The following ROBO2 variants were observed in gnomAD, a reference collection of about 807,000 sequenced individuals.
The protein encoded by ROBO2 is roundabout guidance receptor 2, also known as roundabout homolog 2.
Under a neutral mutation model 160.8 loss-of-function variants are expected in ROBO2, and 53 were observed. The ratio of observed to expected loss-of-function variants is 0.33; its 90% CI spans 0.26 to 0.41. The LOEUF is 0.41. Among genes scored for constraint, ROBO2 ranks in the 10% least tolerant of loss-of-function variants. The pLI is 1.00. For synonymous variants in ROBO2, 664 were observed against 611.7 expected, an observed-to-expected ratio of 1.09 and a Z score of -1.26; for missense variants, 1,577 against 1,722.4, an observed-to-expected ratio of 0.92 and a Z score of 1.49.
intron 2 of ROBO2, among the ~76,000 whole-genome samples, chr3:75,993,979 C>G (rs943141299): frequency 1.3e-5 from 2 of 152,120 alleles, no homozygotes; most frequent in Non-Finnish European, 2.9e-5. Context: ...TTTTTTCATT[C>G]TATTCCTTTT....
At chr3:76,464,820 C>G (rs2078278683) in intron 2 of ROBO2, among the ~76,000 whole-genome samples, 1 of 152,068 alleles carries the variant, frequency 6.6e-6, no homozygotes, top group South Asian at 2.1e-4. Context: ...TTATGTTCAT[C>G]AAATCCTTTA....
intron 2 of ROBO2, among the ~76,000 whole-genome samples, chr3:76,666,027 A>C (rs2092030290): frequency 8.1e-6 from 1 of 123,244 alleles, no homozygotes; most frequent in South Asian, 2.3e-4. Context: ...TATATATTAT[A>C]TATATTATAT....
chr3:77,411,049 C>T (rs559570801), intron 2 of ROBO2, among the ~76,000 whole-genome samples: 302 of 152,230 alleles, frequency 2.0e-3, no homozygotes, highest in Admixed American at 3.3e-3. Context: ...GACCATCCTC[C>T]TCCCACCTCA....
At chr3:76,232,208 A>C (rs1259756971) in intron 2 of ROBO2, among the ~76,000 whole-genome samples, 1 of 152,196 alleles carries the variant, frequency 6.6e-6, no homozygotes, top group Non-Finnish European at 1.5e-5. Context: ...AATACTAAAG[A>C]AGTTCTCAAT....
At chr3:76,893,320 A>ACACG (rs71935222) in intron 2 of ROBO2, among the ~76,000 whole-genome samples, 8,194 of 151,892 alleles carry the variant, frequency 0.054, 276 homozygotes, top group South Asian at 0.15. Flanking sequence ...GAACACACAC[A>ACACG]CACACACACG....
At chr3:76,295,341 A>G (rs1263309298) in intron 2 of ROBO2, among the ~76,000 whole-genome samples, 1 of 152,176 alleles carries the variant, frequency 6.6e-6, no homozygotes, top group Non-Finnish European at 1.5e-5. Context: ...GACTATGCCC[A>G]TAGAGAGTCA....
At chr3:76,023,435 C>T (rs1270628148) in intron 2 of ROBO2, among the ~76,000 whole-genome samples, 1 of 151,502 alleles carries the variant, frequency 6.6e-6, no homozygotes, top group Non-Finnish European at 1.5e-5. Context: ...ACTTACAGGC[C>T]ATTGTAGGGT....
chr3:76,454,240 A>T (rs780293773), intron 2 of ROBO2, among the ~76,000 whole-genome samples: 49 of 152,196 alleles, frequency 3.2e-4, no homozygotes, highest in Non-Finnish European at 4.9e-4. Context: ...AAAAATTTGA[A>T]GTGCTAACTG....
rs554491699 is a variant in ROBO2, at chr3:77,320,706, GA to G, written c.389-156700del. On this transcript the variant is annotated intron_variant, in intron 2 of 25. Coordinates refer to ENST00000461745, the Ensembl canonical transcript of ROBO2. ...CAGGCAAAAAAAGAAAAAGAAAAAA[GA>G]AAAAAAACTTTTGTTGCGTTTGAAG... Among the ~76,000 whole-genome samples the G allele has an allele frequency of 4.1e-3, 623 of 152,018 alleles. 4 individuals carry two copies. The highest frequency in any genetic ancestry group is 5.9e-3 in the Non-Finnish European group (401 of 67,938).
At chr3:76,765,186 T>C (rs112086738) in intron 2 of ROBO2, among the ~76,000 whole-genome samples, 158 of 151,872 alleles carry the variant, frequency 1.0e-3, no homozygotes, top group African/African-American at 3.4e-3. Context: ...CTATATCTTG[T>C]TGAATTTTTT....
intron 2 of ROBO2, among the ~76,000 whole-genome samples, chr3:76,405,770 A>G (rs1254597947): frequency 6.6e-6 from 1 of 151,752 alleles, no homozygotes; most frequent in African/African-American, 2.4e-5. Flanking sequence ...TCATATAAGT[A>G]GCTGATGGGA....
rs10544435 is a variant in ROBO2 at position 76,328,883 on chromosome 3, A to AAT, written c.109+391296_109+391297dup. Among the ~76,000 whole-genome samples, 64 of 144,340 alleles carry AAT rather than the reference A, an allele frequency of 4.4e-4. No homozygotes were observed. In the East Asian group the frequency reaches 5.4e-3, roughly 12 times the overall value. 94.7% of individuals were successfully genotyped at this position (144,340 alleles called of 152,430 possible). ...CAAAACAAACAAACAAACAAAAACA[A>AAT]ATATATATATATATATTTATGTTAT... is the stretch of plus-strand genomic sequence containing the variant. On this transcript the variant is annotated intron_variant, in intron 2 of 26. Transcript: ENST00000487694.
intron 2 of ROBO2, among the ~76,000 whole-genome samples, chr3:76,567,756 T>TATA (rs1553805929): frequency 1.8e-5 from 2 of 114,062 alleles, no homozygotes; most frequent in East Asian, 4.3e-4. Context: ...TATATATATA[T>TATA]ATCTGTCTGT....
intron 2 of ROBO2, among the ~76,000 whole-genome samples, chr3:77,470,306 A>G (rs1433264402): frequency 2.0e-5 from 3 of 152,252 alleles, no homozygotes; most frequent in Non-Finnish European, 4.4e-5. Context: ...TGGAAAGTTT[A>G]AAGGAGAAAT....
chr3:77,439,627 AT>A (rs1404791350), intron 2 of ROBO2, among the ~76,000 whole-genome samples: 2 of 152,104 alleles, frequency 1.3e-5, no homozygotes, highest in African/African-American at 2.4e-5. Context: ...GTATTAATGC[AT>A]TTCAAGAGAA....
intron 2 of ROBO2, among the ~76,000 whole-genome samples, chr3:76,889,213 A>C (rs1315742185): frequency 6.6e-6 from 1 of 152,194 alleles, no homozygotes; most frequent in African/African-American, 2.4e-5. Flanking sequence ...AGACTGACTC[A>C]CTTGCTTAGT....
chr3:77,197,577 C>T (rs997520079), intron 2 of ROBO2, among the ~76,000 whole-genome samples: 6 of 152,224 alleles, frequency 3.9e-5, no homozygotes, highest in Non-Finnish European at 7.3e-5. Context: ...GATTTGAACA[C>T]TGCTGACCTT....
intron 2 of ROBO2, among the ~76,000 whole-genome samples, chr3:76,171,390 G>A (rs2073033743): frequency 6.6e-6 from 1 of 151,798 alleles, no homozygotes; most frequent in Non-Finnish European, 1.5e-5. Flanking sequence ...TCTCAGTCAG[G>A]TGGGAAAGGG....
chr3:77,065,656 C>A (rs557139357), intron 1 of ROBO2, among the ~76,000 whole-genome samples: 98 of 152,184 alleles, frequency 6.4e-4, no homozygotes, highest in Non-Finnish European at 1.2e-3. Context: ...TTAAACATTT[C>A]TTAAAATTGG....
Sources: allele counts gnomAD v4.1 joint callset (sites outside exome capture counted in the v4.1 genomes callset), GRCh38; gene constraint gnomAD v4.1.1; transcripts MANE v1.5; gene names NCBI Gene and HGNC (gene_info 2026-07-23, HGNC 2026-07-21).